TNNI3K: variants seen among roughly 807,000 people sequenced by gnomAD.
TNNI3K encodes the protein serine/threonine-protein kinase TNNI3K.
A neutral mutation model predicts 114.5 loss-of-function variants in TNNI3K; 140 were observed. The ratio of observed to expected loss-of-function variants is 1.22; its 90% CI spans 1.07 to 1.41. The LOEUF (loss-of-function observed/expected upper bound fraction) is 1.41. TNNI3K is among the 40% of genes most tolerant of loss of function. TNNI3K has a pLI of 0.00. For synonymous variants in TNNI3K, 347 were observed against 347.5 expected, an observed-to-expected ratio of 1.00 and a Z score of 0.02; for missense variants, 1,125 against 1,007.6, an observed-to-expected ratio of 1.12 and a Z score of -1.58.
chr1:74,489,356 A>G, intron 22 of TNNI3K, 108 bp downstream of exon 22: 1 of 1,110,540 alleles, frequency 9.0e-7, no homozygotes, highest in Non-Finnish European at 1.3e-6. Context: ...GTGAGGACCC[A>G]TAACTCCATC....
chr1:74,249,357 T>C, intron 2 of TNNI3K, 102 bp from the exon 3 acceptor site: 3 of 1,186,092 alleles, frequency 2.5e-6, no homozygotes, highest in Non-Finnish European at 2.3e-6. Flanking sequence ...AAAAAATACA[T>C]TTCTGAATTG....
intron 11 of TNNI3K, 89 bp from the exon 12 acceptor site, chr1:74,367,167 G>A: frequency 1.6e-6 from 2 of 1,277,956 alleles, no homozygotes; most frequent in South Asian, 1.3e-5. Context: ...TATGTTGTAA[G>A]CTACTTCCAA....
Position 74,236,141 on chromosome 1 carries a change from C to A in TNNI3K, c.80C>A (p.Thr27Lys). 6.2e-7 allele frequency: 1 copy of A among 1,607,728 alleles called. No homozygotes were observed. Among genetic ancestry groups the A allele is most frequent in the Non-Finnish European group, 8.5e-7 (1 of 1,175,890 alleles). The change falls in exon 2 of 25, where the codon ACA becomes AAA. Residue 27 changes from threonine to lysine, a missense_variant. By Grantham distance (78) the Thr-to-Lys change is moderately conservative. Coordinates refer to ENST00000326637, the MANE Select transcript of TNNI3K (RefSeq NM_015978.3). ...AAAGTCAGTGAATCATATGTTATCACAATAGAAAGATTAGAAGATGACCTG... is the reference window on the plus strand; with the variant it reads ...AAAGTCAGTGAATCATATGTTATCAAAATAGAAAGATTAGAAGATGACCTG... ...KKKVSESYVI[T>K]IERLEDDLQI...
At chr1:74,345,023 G>A (rs141437673) in intron 9 of TNNI3K, among the ~76,000 whole-genome samples, 43 of 151,896 alleles carry the variant, frequency 2.8e-4, no homozygotes, top group African/African-American at 9.4e-4. Flanking sequence ...ACGCATACAC[G>A]TGTGTGCATG....
At chr1:74,441,589 A>G (rs941780762) in intron 20 of TNNI3K, among the ~76,000 whole-genome samples, 12 of 152,152 alleles carry the variant, frequency 7.9e-5, no homozygotes, top group Non-Finnish European at 1.5e-5. Context: ...CTGTACCATT[A>G]TGAATTTCCA....
chr1:74,536,611 T>C (rs563957655), intron 23 of TNNI3K, among the ~76,000 whole-genome samples: 1 of 152,096 alleles, frequency 6.6e-6, no homozygotes, highest in Non-Finnish European at 1.5e-5. Flanking sequence ...ATGCAAAAAC[T>C]AACCTAAAGA....
At chr1:74,449,205 T>C (rs976236076) in intron 20 of TNNI3K, among the ~76,000 whole-genome samples, 1 of 152,032 alleles carries the variant, frequency 6.6e-6, no homozygotes, top group African/African-American at 2.4e-5. Flanking sequence ...AGTGTATGTG[T>C]AGAGGAATTT....
chr1:74,247,367 T>C (rs1318318986), intron 2 of TNNI3K, among the ~76,000 whole-genome samples: 1 of 152,168 alleles, frequency 6.6e-6, no homozygotes, highest in Non-Finnish European at 1.5e-5. Context: ...CTGCAGGCCT[T>C]CATGGTGAGT....
chr1:74,485,699 C>G (rs1668722739), intron 21 of TNNI3K, among the ~76,000 whole-genome samples: 1 of 152,176 alleles, frequency 6.6e-6, no homozygotes, highest in Non-Finnish European at 1.5e-5. Context: ...AGTTTTACAG[C>G]TGGTCACAGA....
At chr1:74,318,500 C>T (rs777563972) in intron 5 of TNNI3K, among the ~76,000 whole-genome samples, 3 of 152,172 alleles carry the variant, frequency 2.0e-5, no homozygotes, top group Non-Finnish European at 4.4e-5. Flanking sequence ...TTGAATTTGG[C>T]GGGCACATGC....
In TNNI3K at chr1:74,492,236, A is replaced by G; in HGVS notation, c.2321A>G (p.Asn774Ser). 1 of 1,611,662 alleles carries G rather than the reference A, an allele frequency of 6.2e-7. No homozygotes were observed. The highest frequency in any genetic ancestry group is 8.5e-7 in the Non-Finnish European group (1 of 1,178,252). ...CGTTTCGAATTGGAATATGCTCTAAATGCAAGGTCCTATGCTGCTTTGTCC... is the reference window on the plus strand; with the variant it reads ...CGTTTCGAATTGGAATATGCTCTAAGTGCAAGGTCCTATGCTGCTTTGTCC... ...RSRFELEYAL[N>S]ARSYAALSQS... The change falls in exon 23 of 25, where the codon AAT (asparagine) becomes AGT (serine). Residue 774 changes from asparagine to serine, a missense_variant. Asn to Ser is a conservative substitution (Grantham distance 46). Transcript: ENST00000326637.
chr1:74,525,556 TA>T (rs1646492791), intron 23 of TNNI3K, among the ~76,000 whole-genome samples: 1 of 152,178 alleles, frequency 6.6e-6, no homozygotes, highest in Non-Finnish European at 1.5e-5. Flanking sequence ...AATTTATTTT[TA>T]AAATAAGTGT....
chr1:74,512,580 GA>G (rs1052156406), intron 23 of TNNI3K: 8 of 152,178 alleles, frequency 5.3e-5, no homozygotes, highest in African/African-American at 1.9e-4. Flanking sequence ...GGTGGATGAT[GA>G]ATCTGAGACC....
chr1:74,463,691 C>A, intron 21 of TNNI3K, 141 bp downstream of exon 21: 6 of 863,814 alleles, frequency 6.9e-6, no homozygotes, highest in Non-Finnish European at 8.8e-6. Context: ...TCTTTAGTCT[C>A]TAATTGCCTC....
chr1:74,419,212 A>G (rs1337899273), intron 17 of TNNI3K, among the ~76,000 whole-genome samples: 1 of 151,818 alleles, frequency 6.6e-6, no homozygotes, highest in Admixed American at 6.6e-5. Flanking sequence ...TATCACTCCA[A>G]TGTCTGCCTC....
intron 20 of TNNI3K, among the ~76,000 whole-genome samples, chr1:74,459,133 T>C (rs1349561839): frequency 6.6e-6 from 1 of 152,140 alleles, no homozygotes; most frequent in Non-Finnish European, 1.5e-5. Flanking sequence ...ATGTGGTACA[T>C]ACACACCATA....
At chr1:74,392,816 A>G (rs1663861240) in intron 17 of TNNI3K, among the ~76,000 whole-genome samples, 2 of 152,232 alleles carry the variant, frequency 1.3e-5, no homozygotes, top group African/African-American at 2.4e-5. Flanking sequence ...AGCTACATTA[A>G]TGAGATGTTT....
At chr1:74,365,993 G>C (rs1223662641) in intron 11 of TNNI3K, among the ~76,000 whole-genome samples, 1 of 147,952 alleles carries the variant, frequency 6.8e-6, no homozygotes, top group Non-Finnish European at 1.5e-5. Flanking sequence ...TGTTACCTTT[G>C]GAAAAGCTTT....
intron 5 of TNNI3K, among the ~76,000 whole-genome samples, chr1:74,292,463 C>G (rs1430089714): frequency 1.3e-5 from 2 of 151,244 alleles, no homozygotes; most frequent in African/African-American, 4.8e-5. Flanking sequence ...CTTTTTGGAC[C>G]CATAAATTAT....
Sources: allele counts gnomAD v4.1 joint callset (sites outside exome capture counted in the v4.1 genomes callset), GRCh38; gene constraint gnomAD v4.1.1; transcripts MANE v1.5; gene names NCBI Gene and HGNC (gene_info 2026-07-23, HGNC 2026-07-21).